ETV6: variants seen among roughly 807,000 people sequenced by gnomAD.
ETV6 encodes ETS variant transcription factor 6, also known as transcription factor ETV6.
ETV6 carries 16 observed loss-of-function variants against 51.1 expected under a neutral mutation model. That is an observed-to-expected ratio of 0.31 (90% CI 0.21 to 0.48). ETV6 has a LOEUF of 0.48. ETV6 is among the 20% of genes least tolerant of loss of function. The probability of loss-of-function intolerance (pLI) is 0.99; values close to 1 mark genes in which losing one functional copy is unlikely to be tolerated. For missense variants in ETV6, 458 were observed against 594.8 expected (o/e 0.77, Z 2.39); for synonymous variants, 240 against 224.1 (o/e 1.07, Z -0.64).
chr12:11,880,288 A>T (rs999881710), intron 5 of ETV6, among the ~76,000 whole-genome samples: 21 of 152,328 alleles, frequency 1.4e-4, no homozygotes, highest in African/African-American at 4.3e-4. Context: ...ATTAAATGTC[A>T]TTTAAAATGA....
intron 3 of ETV6, among the ~76,000 whole-genome samples, chr12:11,852,227 A>C (rs1946566672): frequency 6.6e-6 from 1 of 152,158 alleles, no homozygotes; most frequent in Admixed American, 6.5e-5. Context: ...ATTTTTTGCT[A>C]ATTACTCGTG....
intron 1 of ETV6, among the ~76,000 whole-genome samples, chr12:11,675,929 GAAGA>G (rs1312360888): frequency 2.6e-5 from 4 of 152,180 alleles, no homozygotes; most frequent in Admixed American, 1.3e-4. Context: ...GATGCAGGAA[GAAGA>G]AAGAAAGAAA....
At chr12:11,752,632 T>C (rs1591650142) in intron 2 of ETV6, 53 bp downstream of exon 2, 1 of 1,560,182 alleles carries the variant, frequency 6.4e-7, no homozygotes, top group Non-Finnish European at 8.7e-7. Flanking sequence ...GGGGCGGGGG[T>C]GGCAGGCAGT....
At chr12:11,760,212 T>G (rs888100825) in intron 2 of ETV6, among the ~76,000 whole-genome samples, 1 of 152,238 alleles carries the variant, frequency 6.6e-6, no homozygotes, top group African/African-American at 2.4e-5. Flanking sequence ...ATTTACTGCC[T>G]CCATCTTGGG....
At chr12:11,694,408 T>C (rs1864832900) in intron 1 of ETV6, among the ~76,000 whole-genome samples, 1 of 152,242 alleles carries the variant, frequency 6.6e-6, no homozygotes, top group Non-Finnish European at 1.5e-5. Context: ...ACCCATCTGT[T>C]GCTTTTATAA....
chr12:11,776,232 A>G (rs1456334816), intron 2 of ETV6, among the ~76,000 whole-genome samples: 1 of 152,222 alleles, frequency 6.6e-6, no homozygotes, highest in Non-Finnish European at 1.5e-5. Flanking sequence ...ACATTGTGCT[A>G]TGCTAAAGCC....
chr12:11,705,509 G>C (rs1210462291), intron 1 of ETV6, among the ~76,000 whole-genome samples: 3 of 152,148 alleles, frequency 2.0e-5, no homozygotes, highest in Non-Finnish European at 4.4e-5. Context: ...TGGACTGTTC[G>C]ACTCTTCTCG....
intron 1 of ETV6, among the ~76,000 whole-genome samples, chr12:11,743,028 G>A (rs903156254): frequency 3.3e-5 from 5 of 151,834 alleles, no homozygotes; most frequent in African/African-American, 4.8e-5. Flanking sequence ...GGCTGGTCTC[G>A]AACTACTGAG....
intron 3 of ETV6, among the ~76,000 whole-genome samples, chr12:11,841,307 C>T (rs1946387774): frequency 6.8e-6 from 1 of 147,974 alleles, no homozygotes; most frequent in African/African-American, 2.6e-5. Context: ...AAGTTACTGT[C>T]CAGTTAGAGG....
intron 2 of ETV6, among the ~76,000 whole-genome samples, chr12:11,800,224 T>TATTCATCATCCATCTCACCTCCC: frequency 6.6e-6 from 1 of 152,326 alleles, no homozygotes; most frequent in South Asian, 2.1e-4. Flanking sequence ...TCCCACCTCC[T>TATTCATCATCCATCTCACCTCCC]ATTCATCATC....
intron 1 of ETV6, among the ~76,000 whole-genome samples, chr12:11,702,497 A>C (rs1361603302): frequency 6.6e-6 from 1 of 152,166 alleles, no homozygotes; most frequent in African/African-American, 2.4e-5. Context: ...GATTGCATGT[A>C]ATATACAATA....
intron 2 of ETV6, among the ~76,000 whole-genome samples, chr12:11,792,930 T>C (rs972407262): frequency 6.6e-6 from 1 of 152,144 alleles, no homozygotes; most frequent in African/African-American, 2.4e-5. Flanking sequence ...TAGAGCAGTG[T>C]TGGAAAAATA....
intron 2 of ETV6, among the ~76,000 whole-genome samples, chr12:11,811,919 G>A (rs997878188): frequency 1.3e-5 from 2 of 152,168 alleles, no homozygotes; most frequent in Admixed American, 6.5e-5. Flanking sequence ...AGGGAAAAGG[G>A]CAGAGAACTG....
chr12:11,678,895 C>A (rs750966789), intron 1 of ETV6, among the ~76,000 whole-genome samples: 47 of 152,132 alleles, frequency 3.1e-4, no homozygotes, highest in Non-Finnish European at 6.3e-4. Flanking sequence ...CTTCCTTCCT[C>A]TGCGTCTTGT....
At chr12:11,831,911 T>G (rs1946251026) in intron 2 of ETV6, among the ~76,000 whole-genome samples, 1 of 152,256 alleles carries the variant, frequency 6.6e-6, no homozygotes, top group Non-Finnish European at 1.5e-5. Flanking sequence ...TCTGAGAAGT[T>G]AACATTTACA....
chr12:11,760,564 T>C (rs1945069878), intron 2 of ETV6, among the ~76,000 whole-genome samples: 1 of 152,204 alleles, frequency 6.6e-6, no homozygotes, highest in African/African-American at 2.4e-5. Flanking sequence ...TAAAAGCACC[T>C]AGGACAAGTT....
chr12:11,891,129 C>A lies in ETV6; in HGVS notation c.*83C>A. On this transcript the variant is annotated 3_prime_UTR_variant, in exon 8 of 8. Coordinates refer to ENST00000396373, the MANE Select transcript of ETV6 (RefSeq NM_001987.5). ...ATTGCTGGAAGTGTGACGGAGCAGG[C>A]GGGCTGAGGAGAGTGGAAAAGGAAG... 1.8e-6 allele frequency: 2 copies of A among 1,107,132 alleles called. No homozygotes were observed. The highest frequency in any genetic ancestry group is 1.3e-5 in the South Asian group (1 of 78,254). The allele number at this position is 1,107,132 out of a possible 1,614,324, so 68.6% of individuals were successfully genotyped here. A position where few individuals can be genotyped will look rare whatever the true frequency, so the allele number is the denominator to read the frequency against.
Position 11,790,628 on chromosome 12 carries a change from T to TTG in ETV6, c.163+38049_163+38050insTG, listed in dbSNP as rs1945568901. On this transcript the variant is annotated intron_variant, in intron 2 of 7. Transcript: ENST00000396373. ...AACATATGCATGTTCTTTTAATCTT[T>TTG]CATATAATTTCCGTTAATTCCACCT... Among the ~76,000 whole-genome samples the TTG allele has an allele frequency of 2.0e-5, 3 of 147,290 alleles. No homozygotes were observed. In the East Asian group the frequency reaches 6.0e-4, roughly 29 times the overall value.
intron 1 of ETV6, among the ~76,000 whole-genome samples, chr12:11,749,163 C>T (rs1457930178): frequency 6.6e-6 from 1 of 152,258 alleles, no homozygotes; most frequent in Admixed American, 6.5e-5. Flanking sequence ...TGAGTCACAT[C>T]ATTGACCTCC....
Sources: gnomAD v4.1 joint callset for allele counts (sites outside exome capture counted in the v4.1 genomes callset) on GRCh38, gnomAD v4.1.1 for gene constraint, MANE v1.5 for transcripts, NCBI Gene and HGNC (gene_info 2026-07-23, HGNC 2026-07-21) for gene names.